Variants in GRM5 observed in about 807,000 individuals in gnomAD.
GRM5 encodes metabotropic glutamate receptor 5.
GRM5 carries 19 observed loss-of-function variants against 83.1 expected under a neutral mutation model. The observed-to-expected ratio is 0.23, with a 90% CI of 0.16 to 0.34. The LOEUF (loss-of-function observed/expected upper bound fraction) is 0.34, where lower values mean the gene tolerates loss of function less well. Ranked by LOEUF, GRM5 falls within the 10% of genes least tolerant of loss-of-function variation. GRM5 has a pLI of 1.00. For synonymous variants in GRM5, 675 were observed against 633.6 expected (o/e 1.07, Z -0.98); for missense variants, 1,160 against 1,588.3 (o/e 0.73, Z 4.58).
chr11:88,625,968 C>A lies in GRM5; in HGVS notation c.1148-21004G>T, dbSNP rs1938784456. ...CCAGGTAGAATTCAGCGGCAACAGG[C>A]AGTGAGCTCTAAGAAATGTCACACA... is the stretch of plus-strand genomic sequence containing the variant. On this transcript the variant is annotated intron_variant, in intron 4 of 9. Transcript: ENST00000305447. 2.0e-5 allele frequency among the ~76,000 whole-genome samples: 3 copies of A among 152,220 alleles called. No homozygotes were observed. The South Asian group carries it at 6.2e-4, about 32-fold the overall frequency.
At chr11:89,063,179 C>T (rs1459067772) in intron 1 of GRM5, among the ~76,000 whole-genome samples, 3 of 152,212 alleles carry the variant, frequency 2.0e-5, no homozygotes, top group African/African-American at 4.8e-5. Context: ...ACTCTGCATT[C>T]GAAACCACGC....
intron 2 of GRM5, among the ~76,000 whole-genome samples, chr11:88,987,712 G>C (rs920859934): frequency 6.6e-6 from 1 of 151,966 alleles, no homozygotes; most frequent in African/African-American, 2.4e-5. Context: ...CCTGACCCCC[G>C]AGCAGCCTAA....
At chr11:88,871,624 T>A (rs1406951016) in intron 2 of GRM5, among the ~76,000 whole-genome samples, 1 of 151,414 alleles carries the variant, frequency 6.6e-6, no homozygotes. Flanking sequence ...AATTCTAGTA[T>A]ATGGAAATGA....
At chr11:88,988,803 C>G (rs1318183300) in intron 2 of GRM5, among the ~76,000 whole-genome samples, 1 of 144,798 alleles carries the variant, frequency 6.9e-6, no homozygotes, top group African/African-American at 2.5e-5. Context: ...TACAGACAAG[C>G]AAATGCTGAG....
intron 3 of GRM5, among the ~76,000 whole-genome samples, chr11:88,816,538 C>CAAAAAAAAAAAAAAAAA: frequency 2.9e-5 from 2 of 69,928 alleles, no homozygotes; most frequent in Admixed American, 1.6e-4. Context: ...GACTCCATCT[C>CAAAAAAAAAAAAAAAAA]AAAAAAAAAA....
In GRM5 at chr11:88,750,915, G is replaced by T. The variant is rs372839903; in HGVS notation, c.912-97512C>A. Among the ~76,000 whole-genome samples the T allele has an allele frequency of 9.2e-5, 14 of 152,036 alleles. No homozygotes were observed. In the South Asian group the frequency reaches 2.9e-3, roughly 32 times the overall value. The stretch of plus-strand genomic sequence containing the variant: ...CATCTCTGGGATGCTGTAAGGCATG[G>T]TTAAGAGGGAAATTTATAGCACTCA... On this transcript the variant is annotated intron_variant, in intron 3 of 9. Coordinates refer to ENST00000305447, the MANE Select transcript of GRM5 (RefSeq NM_001143831.3).
intron 2 of GRM5, among the ~76,000 whole-genome samples, chr11:88,886,432 G>A (rs570162585): frequency 1.3e-5 from 2 of 152,088 alleles, no homozygotes; most frequent in Non-Finnish European, 2.9e-5. Context: ...AACCAAATAC[G>A]GGGCCCCTTT....
chr11:88,958,120 A>T (rs1391919827), intron 2 of GRM5, among the ~76,000 whole-genome samples: 1 of 151,910 alleles, frequency 6.6e-6, no homozygotes, highest in African/African-American at 2.4e-5. Context: ...TATGCCCTCC[A>T]GCCACCAGAA....
chr11:88,540,598 T>A (rs1037239411), intron 8 of GRM5, among the ~76,000 whole-genome samples: 1 of 152,118 alleles, frequency 6.6e-6, no homozygotes, highest in African/African-American at 2.4e-5. Flanking sequence ...CCAGTGTAAG[T>A]TGTGCACTTA....
chr11:88,710,174 G>T (rs911368881), intron 3 of GRM5, among the ~76,000 whole-genome samples: 3 of 152,046 alleles, frequency 2.0e-5, no homozygotes, highest in Non-Finnish European at 2.9e-5. Context: ...CAAAAATAAG[G>T]CACTTGCAAA....
intron 3 of GRM5, among the ~76,000 whole-genome samples, chr11:88,737,605 C>T (rs921392585): frequency 1.3e-4 from 20 of 151,860 alleles, no homozygotes; most frequent in Admixed American, 4.6e-4. Flanking sequence ...TACTGACATG[C>T]CAGTATGGAG....
intron 3 of GRM5, among the ~76,000 whole-genome samples, chr11:88,820,087 A>G (rs1943759993): frequency 6.6e-6 from 1 of 152,062 alleles, no homozygotes; most frequent in Non-Finnish European, 1.5e-5. Flanking sequence ...AAATCATAGC[A>G]GATTAATTTT....
intron 3 of GRM5, among the ~76,000 whole-genome samples, chr11:88,758,776 G>C (rs7109099): frequency 0.99 from 150,423 of 152,244 alleles, 74,336 homozygotes; most frequent in East Asian, 1. Flanking sequence ...AGATCATCCC[G>C]AAGACACATA....
intron 2 of GRM5, among the ~76,000 whole-genome samples, chr11:88,901,820 T>G (rs775782302): frequency 6.6e-6 from 1 of 152,058 alleles, no homozygotes; most frequent in Non-Finnish European, 1.5e-5. Flanking sequence ...TTACTTAACA[T>G]TTTTGACGAT....
intron 1 of GRM5, among the ~76,000 whole-genome samples, chr11:89,056,976 A>T: frequency 6.6e-6 from 1 of 152,168 alleles, no homozygotes; most frequent in East Asian, 1.9e-4. Flanking sequence ...AATGATATGA[A>T]AAAGAGATAT....
chr11:88,948,688 G>A (rs982153651), intron 2 of GRM5, among the ~76,000 whole-genome samples: 10 of 152,048 alleles, frequency 6.6e-5, no homozygotes, highest in Admixed American at 6.6e-4. Context: ...TATTTTCATT[G>A]TTAGAAATAA....
At chr11:88,862,487 T>G (rs1387535040) in intron 2 of GRM5, among the ~76,000 whole-genome samples, 1 of 152,126 alleles carries the variant, frequency 6.6e-6, no homozygotes, top group Non-Finnish European at 1.5e-5. Context: ...AGTTTTAAAT[T>G]CAAATAGAAT....
chr11:88,664,886 C>G (rs568659303), intron 3 of GRM5, among the ~76,000 whole-genome samples: 5 of 152,234 alleles, frequency 3.3e-5, no homozygotes, highest in African/African-American at 9.6e-5. Context: ...TTAGAATCCA[C>G]TGAGGGTCTT....
intron 4 of GRM5, among the ~76,000 whole-genome samples, chr11:88,620,587 T>C (rs1230196365): frequency 6.6e-6 from 1 of 152,172 alleles, no homozygotes. Flanking sequence ...GGAACATAGA[T>C]CAAGTTTAAT....
Sources: allele counts gnomAD v4.1 joint callset (sites outside exome capture counted in the v4.1 genomes callset), GRCh38; gene constraint gnomAD v4.1.1; transcripts MANE v1.5; gene names NCBI Gene and HGNC (gene_info 2026-07-23, HGNC 2026-07-21).